Variants in ARHGEF28 observed in about 807,000 individuals in gnomAD.
ARHGEF28 encodes the protein 190 kDa guanine nucleotide exchange factor.
Under a neutral mutation model 206.6 loss-of-function variants are expected in ARHGEF28, and 152 were observed. The ratio of observed to expected loss-of-function variants is 0.74; its 90% CI spans 0.64 to 0.84. ARHGEF28 has a LOEUF of 0.84. ARHGEF28 is among the 40% of genes least tolerant of loss of function. The pLI is 0.00. For missense variants in ARHGEF28, 2,028 were observed against 2,073.2 expected, an observed-to-expected ratio of 0.98 and a Z score of 0.42; for synonymous variants, 763 against 776.4, an observed-to-expected ratio of 0.98 and a Z score of 0.29.
intron 7 of ARHGEF28, among the ~76,000 whole-genome samples, chr5:73,792,911 G>A (rs1754568778): frequency 6.6e-6 from 1 of 152,066 alleles, no homozygotes; most frequent in Non-Finnish European, 1.5e-5. Context: ...CCTACCTCTG[G>A]CAATGTTACT....
chr5:73,836,536 G>A (rs529705840), intron 10 of ARHGEF28, among the ~76,000 whole-genome samples: 4 of 151,956 alleles, frequency 2.6e-5, no homozygotes, highest in East Asian at 1.9e-4. Context: ...ATTGAGTTGC[G>A]TGAGTTCCTT....
At position 73,679,669 on chromosome 5, in the gene ARHGEF28, CT is replaced by C. The variant is rs200382310; in HGVS notation, c.-11-5164del. Among the ~76,000 whole-genome samples, 7 of 150,594 alleles carry C rather than the reference CT, an allele frequency of 4.6e-5. No homozygotes were observed. The East Asian group carries it at 9.8e-4, about 21-fold the overall frequency. On this transcript the variant is annotated intron_variant, in intron 1 of 35. Coordinates refer to ENST00000513042, the MANE Select transcript of ARHGEF28 (RefSeq NM_001177693.2). ...TTCTCTTTCACTTATTAAAATATCA[CT>C]TTTTTTTCTGAAATGGCAGGTCAAA...
intron 2 of ARHGEF28, among the ~76,000 whole-genome samples, chr5:73,699,400 C>T (rs1297490928): frequency 2.7e-5 from 4 of 150,076 alleles, no homozygotes; most frequent in Admixed American, 1.3e-4. Context: ...CGAAAGAGAG[C>T]GGGGGGAGGG....
chr5:73,652,153 G>A (rs1035617457), intron 1 of ARHGEF28, among the ~76,000 whole-genome samples: 12 of 152,224 alleles, frequency 7.9e-5, no homozygotes, highest in Middle Eastern at 3.4e-3. Context: ...AGGGAATGGG[G>A]TATATAAAAG....
rs149808900 is a variant in ARHGEF28 at position 73,889,646 on chromosome 5, G to A, written c.3387+1967G>A. On this transcript the variant is annotated intron_variant, in intron 26 of 35. Coordinates refer to ENST00000513042, the MANE Select transcript of ARHGEF28 (RefSeq NM_001177693.2). ...AGAATCAGCACAAAATGGATACGGT[G>A]TAACAATACAGCTAAGCATGGCAGC... Among the ~76,000 whole-genome samples the A allele has an allele frequency of 3.8e-3, 577 of 152,356 alleles. 4 individuals are homozygous for A. The highest frequency in any genetic ancestry group is 0.01 in the African/African-American group (425 of 41,592).
At chr5:73,648,841 C>T (rs891468343) in intron 1 of ARHGEF28, among the ~76,000 whole-genome samples, 1 of 152,160 alleles carries the variant, frequency 6.6e-6, no homozygotes, top group Non-Finnish European at 1.5e-5. Flanking sequence ...TCTCATTCTC[C>T]CTGCAAACAG....
intron 2 of ARHGEF28, among the ~76,000 whole-genome samples, chr5:73,695,943 C>G (rs1580493776): frequency 6.6e-6 from 1 of 152,184 alleles, no homozygotes; most frequent in Admixed American, 6.5e-5. Flanking sequence ...GGACATCACC[C>G]AAGCTGTTTT....
rs1580598561 is a variant in ARHGEF28 at position 73,773,273 on chromosome 5, A to G, written c.476-582A>G. Reference sequence around the variant, plus strand: ...ACAGGTCGAGCCTCCTGAGCAGAGCAACGGGGTGGCTTTGGCAATATTGAC... The same window carrying G: ...ACAGGTCGAGCCTCCTGAGCAGAGCGACGGGGTGGCTTTGGCAATATTGAC... On this transcript the variant is annotated intron_variant, in intron 4 of 35. Coordinates refer to ENST00000513042, the MANE Select transcript of ARHGEF28 (RefSeq NM_001177693.2). Among the ~76,000 whole-genome samples, 3 of 152,316 alleles carry G rather than the reference A, an allele frequency of 2.0e-5. No individual in the cohort carries two copies. In the South Asian group the frequency reaches 6.2e-4, roughly 32 times the overall value.
At chr5:73,861,928 A>G (rs1759429484) in intron 16 of ARHGEF28, among the ~76,000 whole-genome samples, 1 of 152,188 alleles carries the variant, frequency 6.6e-6, no homozygotes, top group East Asian at 1.9e-4. Flanking sequence ...GAGCAATACC[A>G]ATATGATACA....
intron 11 of ARHGEF28, among the ~76,000 whole-genome samples, chr5:73,841,760 G>GA (rs1758006286): frequency 6.6e-6 from 1 of 150,430 alleles, no homozygotes; most frequent in African/African-American, 2.4e-5. Flanking sequence ...TAATGAAGGG[G>GA]AAAAAATTCC....
intron 1 of ARHGEF28, among the ~76,000 whole-genome samples, chr5:73,680,991 C>T (rs1022714451): frequency 1.3e-4 from 20 of 152,100 alleles, no homozygotes; most frequent in Admixed American, 1.2e-3. Flanking sequence ...ACATGAACCA[C>T]CAAGCCTGGC....
At chr5:73,768,080 A>G (rs1000228966) in intron 4 of ARHGEF28, among the ~76,000 whole-genome samples, 1 of 152,188 alleles carries the variant, frequency 6.6e-6, no homozygotes, top group Admixed American at 6.5e-5. Flanking sequence ...TCAAGAATTG[A>G]GGTTTGGGAA....
intron 2 of ARHGEF28, among the ~76,000 whole-genome samples, chr5:73,721,233 C>G (rs1040814915): frequency 2.0e-5 from 3 of 152,148 alleles, no homozygotes; most frequent in Non-Finnish European, 4.4e-5. Context: ...GTTGCATTGT[C>G]CTGCCATGGT....
intron 1 of ARHGEF28, among the ~76,000 whole-genome samples, chr5:73,639,328 A>T (rs973240695): frequency 6.0e-5 from 9 of 151,156 alleles, no homozygotes; most frequent in African/African-American, 2.2e-4. Flanking sequence ...TCTAAATCAA[A>T]AAATTATACA....
At chr5:73,854,028 T>A (rs1758863266) in intron 14 of ARHGEF28, among the ~76,000 whole-genome samples, 1 of 152,174 alleles carries the variant, frequency 6.6e-6, no homozygotes, top group Non-Finnish European at 1.5e-5. Context: ...CTGTCACTCT[T>A]GTTTTTGTTT....
At chr5:73,852,362 G>A (rs1288586643) in intron 13 of ARHGEF28, among the ~76,000 whole-genome samples, 1 of 152,120 alleles carries the variant, frequency 6.6e-6, no homozygotes, top group Non-Finnish European at 1.5e-5. Context: ...CTAATTTTCT[G>A]CACTTCTGAA....
chr5:73,639,744 A>G (rs1743951214), intron 1 of ARHGEF28, among the ~76,000 whole-genome samples: 1 of 152,204 alleles, frequency 6.6e-6, no homozygotes, highest in South Asian at 2.1e-4. Context: ...AGTGTATCCC[A>G]TGTAAAACTG....
At position 73,840,625 on chromosome 5, in the gene ARHGEF28, A is replaced by C. The variant is rs545815932; in HGVS notation, c.1292A>C (p.Glu431Ala). 5 of 1,613,976 alleles carry C rather than the reference A, an allele frequency of 3.1e-6. No homozygotes were observed. The highest frequency in any genetic ancestry group is 1.6e-4 in the Middle Eastern group (1 of 6,062). ...AGTCCCAGTGTGTACCCACTTAGTG[A>C]AAATGTCGAAGGGACAGCACACACT... is the stretch of plus-strand genomic sequence containing the variant. ...ETSPSVYPLS[E>A]NVEGTAHTEA... Residue 431 changes from glutamate (E) to alanine (A), a missense_variant, in exon 11 of 36, where the codon GAA becomes GCA. Glu to Ala is a moderately radical substitution (Grantham distance 107, BLOSUM62 -1). Coordinates refer to ENST00000513042, the MANE Select transcript of ARHGEF28 (RefSeq NM_001177693.2).
chr5:73,936,797 G>T (rs1024838908), intron 35 of ARHGEF28, among the ~76,000 whole-genome samples: 5 of 152,108 alleles, frequency 3.3e-5, no homozygotes, highest in Admixed American at 1.3e-4. Context: ...CAAACTCCTG[G>T]CCTGAAGTGA....
Sources: allele counts gnomAD v4.1 joint callset (sites outside exome capture counted in the v4.1 genomes callset), GRCh38; gene constraint gnomAD v4.1.1; transcripts MANE v1.5; gene names NCBI Gene and HGNC (gene_info 2026-07-23, HGNC 2026-07-21).